The following TMEM132C variants were observed in gnomAD, a reference collection of about 807,000 sequenced individuals.
The protein encoded by TMEM132C is protein phosphatase 1, regulatory subunit 152.
In TMEM132C, 29 loss-of-function variants were observed where a neutral mutation model predicts 61.4. That is an observed-to-expected ratio of 0.47 (90% CI 0.35 to 0.64). The LOEUF is 0.64. TMEM132C is among the 30% of genes least tolerant of loss of function. TMEM132C has a pLI of 0.00. For missense variants in TMEM132C, 1,408 were observed against 1,476.9 expected (o/e 0.95, Z 0.76); for synonymous variants, 656 against 633.1 (o/e 1.04, Z -0.54).
At chr12:128,597,194 C>G (rs987655680) in intron 3 of TMEM132C, among the ~76,000 whole-genome samples, 12 of 152,194 alleles carry the variant, frequency 7.9e-5, no homozygotes, top group Admixed American at 2.6e-4. Context: ...GAAAATTAAG[C>G]TGGGGACATG....
intron 4 of TMEM132C, among the ~76,000 whole-genome samples, chr12:128,641,707 G>A (rs930049091): frequency 6.6e-6 from 1 of 152,208 alleles, no homozygotes; most frequent in African/African-American, 2.4e-5. Context: ...ATAAACTTCT[G>A]TTACTCAAGC....
chr12:128,481,540 C>G (rs563152174), intron 2 of TMEM132C, among the ~76,000 whole-genome samples: 1 of 152,230 alleles, frequency 6.6e-6, no homozygotes, highest in African/African-American at 2.4e-5. Context: ...CTTGTTACCC[C>G]CTGCCGTGCG....
intron 2 of TMEM132C, among the ~76,000 whole-genome samples, chr12:128,528,471 G>A (rs535394452): frequency 2.0e-5 from 3 of 152,104 alleles, no homozygotes; most frequent in Non-Finnish European, 2.9e-5. Context: ...TTTGGGGAGC[G>A]CGGCTGGGCT....
chr12:128,582,366 C>G (rs1420073835), intron 3 of TMEM132C, among the ~76,000 whole-genome samples: 1 of 150,686 alleles, frequency 6.6e-6, no homozygotes, highest in Non-Finnish European at 1.5e-5. Flanking sequence ...GCAGGGAAAA[C>G]AGACTCTTAC....
At chr12:128,642,502 C>A (rs1470106810) in intron 4 of TMEM132C, among the ~76,000 whole-genome samples, 1 of 152,100 alleles carries the variant, frequency 6.6e-6, no homozygotes, top group Admixed American at 6.6e-5. Flanking sequence ...GGGACCGATC[C>A]CTCATGAATG....
Position 128,570,651 on chromosome 12 carries a change from C to T in TMEM132C, c.1121+26548C>T, listed in dbSNP as rs975179462. ...GGGGACCCAGGCTCCTTTTCTCTTT[C>T]TGCTCTGCCATCTATGGCATGTGGT... On this transcript the variant is annotated intron_variant, in intron 3 of 8. Coordinates refer to ENST00000435159, the MANE Select transcript of TMEM132C (RefSeq NM_001136103.3). The surrounding 1 kb of genome is among the most constrained non-coding windows in gnomAD (Gnocchi z 4.7). 1.3e-5 allele frequency among the ~76,000 whole-genome samples: 2 copies of T among 152,082 alleles called. No individual in the cohort carries two copies. Among genetic ancestry groups the T allele is most frequent in the African/African-American group, 2.4e-5 (1 of 41,424 alleles).
At chr12:128,386,446 C>T (rs376873131) in intron 1 of TMEM132C, among the ~76,000 whole-genome samples, 32 of 152,214 alleles carry the variant, frequency 2.1e-4, no homozygotes, top group East Asian at 7.7e-4. Flanking sequence ...TTTCCCTTTC[C>T]GTTGGGCTTC....
chr12:128,467,021 G>C (rs943007518), intron 2 of TMEM132C, among the ~76,000 whole-genome samples: 2 of 152,276 alleles, frequency 1.3e-5, no homozygotes, highest in South Asian at 4.2e-4. Context: ...ATAAGGAAGA[G>C]GGGCTTTCAG....
At chr12:128,595,551 C>T (rs1355652848) in intron 3 of TMEM132C, among the ~76,000 whole-genome samples, 1 of 152,162 alleles carries the variant, frequency 6.6e-6, no homozygotes, top group Non-Finnish European at 1.5e-5. Context: ...TCTGGCTAAC[C>T]TAAGCCAAAG....
At chr12:128,525,001 G>C (rs1873035491) in intron 2 of TMEM132C, among the ~76,000 whole-genome samples, 1 of 152,164 alleles carries the variant, frequency 6.6e-6, no homozygotes, top group Non-Finnish European at 1.5e-5. Flanking sequence ...GATCTGGAAG[G>C]ATCCCGCCAG....
chr12:128,367,279 A>G (rs1280996630), intron 1 of TMEM132C, among the ~76,000 whole-genome samples: 1 of 152,184 alleles, frequency 6.6e-6, no homozygotes. Context: ...ACGTCCAGAG[A>G]TGTGTCTGTT....
At chr12:128,675,938 T>C (rs571890167) in intron 5 of TMEM132C, among the ~76,000 whole-genome samples, 40 of 152,284 alleles carry the variant, frequency 2.6e-4, no homozygotes, top group African/African-American at 9.6e-4. Context: ...GTTACATATA[T>C]CAAGGCCTTT....
At chr12:128,494,376 A>G (rs1382289016) in intron 2 of TMEM132C, among the ~76,000 whole-genome samples, 2 of 152,224 alleles carry the variant, frequency 1.3e-5, no homozygotes, top group African/African-American at 4.8e-5. Flanking sequence ...TGAGTTAGGG[A>G]GGATTCCCTC....
chr12:128,672,253 A>G, intron 5 of TMEM132C, among the ~76,000 whole-genome samples: 1 of 152,132 alleles, frequency 6.6e-6, no homozygotes, highest in East Asian at 1.9e-4. Flanking sequence ...CCCACAGTGG[A>G]CAGCACAGGT....
At chr12:128,589,506 T>C (rs10744381) in intron 3 of TMEM132C, among the ~76,000 whole-genome samples, 767 of 133,338 alleles carry the variant, frequency 5.8e-3, no homozygotes, top group Non-Finnish European at 6.7e-3. Flanking sequence ...CACCTCCCCC[T>C]CCCCACAGCC....
intron 2 of TMEM132C, among the ~76,000 whole-genome samples, chr12:128,457,596 G>C (rs1870390848): frequency 1.3e-5 from 2 of 151,288 alleles, no homozygotes; most frequent in Non-Finnish European, 2.9e-5. Flanking sequence ...AAAAAAATTA[G>C]GCAGTCTAGT....
At chr12:128,684,559 C>G (rs764721219) in intron 5 of TMEM132C, among the ~76,000 whole-genome samples, 2 of 152,242 alleles carry the variant, frequency 1.3e-5, no homozygotes, top group Non-Finnish European at 2.9e-5. Flanking sequence ...GCCAACCCCC[C>G]GCATGGACAG....
At chr12:128,670,606 C>A (rs1263092250) in intron 5 of TMEM132C, among the ~76,000 whole-genome samples, 1 of 152,086 alleles carries the variant, frequency 6.6e-6, no homozygotes, top group Non-Finnish European at 1.5e-5. Context: ...AATAGGATTT[C>A]TTTATTTTTT....
chr12:128,345,689 A>G (rs1321538921), intron 1 of TMEM132C, among the ~76,000 whole-genome samples: 3 of 151,834 alleles, frequency 2.0e-5, no homozygotes, highest in Non-Finnish European at 4.4e-5. Context: ...TTTTCATATG[A>G]TTGTTGGCCG....
Sources: gnomAD v4.1 joint callset for allele counts (sites outside exome capture counted in the v4.1 genomes callset) on GRCh38, gnomAD v4.1.1 for gene constraint, Gnocchi (gnomAD v3.1) non-coding constraint, MANE v1.5 for transcripts, NCBI Gene and HGNC (gene_info 2026-07-23, HGNC 2026-07-21) for gene names.